The following FBXL20 variants were observed in gnomAD, a reference collection of about 807,000 sequenced individuals.
The protein encoded by FBXL20 is F-box/LRR-repeat protein 20.
A neutral mutation model predicts 64.0 loss-of-function variants in FBXL20; 11 were observed. The observed-to-expected ratio is 0.17, with a 90% CI of 0.11 to 0.28. FBXL20 has a LOEUF of 0.28. FBXL20 is among the 10% of genes least tolerant of loss of function. The pLI, the probability that FBXL20 is intolerant of heterozygous loss-of-function variation, is 1.00. For synonymous variants in FBXL20, 184 were observed against 189.0 expected, an observed-to-expected ratio of 0.97 and a Z score of 0.22; for missense variants, 303 against 526.2, an observed-to-expected ratio of 0.58 and a Z score of 4.15.
chr17:39,345,302 G>GT (rs2047621657), intron 1 of FBXL20, among the ~76,000 whole-genome samples: 1 of 152,160 alleles, frequency 6.6e-6, no homozygotes, highest in Admixed American at 6.6e-5. Flanking sequence ...GACAAGAGAT[G>GT]TAAGAGAGAA....
At chr17:39,321,072 TCTG>T (rs774532927) in intron 2 of FBXL20, among the ~76,000 whole-genome samples, 6 of 152,192 alleles carry the variant, frequency 3.9e-5, no homozygotes, top group African/African-American at 7.2e-5. Flanking sequence ...ATAAAACAAT[TCTG>T]CTCCAAAATA....
intron 2 of FBXL20, among the ~76,000 whole-genome samples, chr17:39,331,564 T>C (rs2047461722): frequency 6.6e-6 from 1 of 152,222 alleles, no homozygotes; most frequent in Non-Finnish European, 1.5e-5. Flanking sequence ...TAGCTCTATA[T>C]TGATTATTTC....
intron 14 of FBXL20, among the ~76,000 whole-genome samples, chr17:39,263,469 C>T (rs1597757342): frequency 6.6e-6 from 1 of 152,110 alleles, no homozygotes; most frequent in African/African-American, 2.4e-5. Flanking sequence ...GAGCCAACAT[C>T]GAGCCACTGC....
At chr17:39,394,852 C>A (rs923393553) in intron 1 of FBXL20, among the ~76,000 whole-genome samples, 1 of 152,244 alleles carries the variant, frequency 6.6e-6, no homozygotes, top group East Asian at 1.9e-4. Flanking sequence ...AGCCACTGTG[C>A]CTGGCCAGAT....
intron 1 of FBXL20, among the ~76,000 whole-genome samples, chr17:39,396,328 G>C (rs899418844): frequency 3.3e-5 from 5 of 152,118 alleles, no homozygotes; most frequent in African/African-American, 1.2e-4. Context: ...GGGTGTCGTG[G>C]CTCACATCTG....
chr17:39,363,017 T>C lies in FBXL20; in HGVS notation c.43-19776A>G, dbSNP rs536970392. ...TTTATTTATTTATTCATTTATTTAT[T>C]TGAGACAGTTTCACTCTTGTCGCCC... On this transcript the variant is annotated intron_variant, in intron 1 of 14. Coordinates refer to ENST00000264658, the MANE Select transcript of FBXL20 (RefSeq NM_032875.3). Among the ~76,000 whole-genome samples, 11 of 152,212 alleles carry C rather than the reference T, an allele frequency of 7.2e-5. No individual in the cohort carries two copies. In the South Asian group the frequency reaches 2.1e-3, roughly 29 times the overall value.
At chr17:39,296,298 T>C (rs935178222) in intron 6 of FBXL20, among the ~76,000 whole-genome samples, 1 of 152,188 alleles carries the variant, frequency 6.6e-6, no homozygotes, top group African/African-American at 2.4e-5. Flanking sequence ...CGGTGGCTCA[T>C]GCCTGTAATC....
At chr17:39,374,538 C>T (rs370888333) in intron 1 of FBXL20, among the ~76,000 whole-genome samples, 8 of 150,464 alleles carry the variant, frequency 5.3e-5, no homozygotes, top group African/African-American at 1.9e-4. Context: ...GAGACTCCAT[C>T]TCAAAAAAAA....
chr17:39,382,273 C>G (rs1055276534), intron 1 of FBXL20, among the ~76,000 whole-genome samples: 1 of 151,798 alleles, frequency 6.6e-6, no homozygotes, highest in African/African-American at 2.4e-5. Flanking sequence ...GAAACCCCAT[C>G]TCTACTAAAA....
At chr17:39,363,486 T>C (rs1420833377) in intron 1 of FBXL20, among the ~76,000 whole-genome samples, 2 of 151,898 alleles carry the variant, frequency 1.3e-5, no homozygotes, top group Non-Finnish European at 2.9e-5. Flanking sequence ...AATATCTGAG[T>C]GTTTATAAAT....
At chr17:39,397,242 GCAAA>G (rs1597842105) in intron 1 of FBXL20, among the ~76,000 whole-genome samples, 1 of 152,108 alleles carries the variant, frequency 6.6e-6, no homozygotes, top group East Asian at 1.9e-4. Flanking sequence ...AAGCAAGTAG[GCAAA>G]CAAATATTAC....
intron 2 of FBXL20, among the ~76,000 whole-genome samples, chr17:39,315,461 T>G (rs2047277962): frequency 6.7e-6 from 1 of 150,238 alleles, no homozygotes; most frequent in Non-Finnish European, 1.5e-5. Context: ...TTCCTCTTCC[T>G]TTCCTTTGTT....
intron 12 of FBXL20, among the ~76,000 whole-genome samples, chr17:39,267,430 T>C (rs1011358940): frequency 2.6e-5 from 4 of 152,316 alleles, no homozygotes; most frequent in Admixed American, 2.0e-4. Flanking sequence ...AATCAGACGA[T>C]AGTGCTTGCT....
At chr17:39,358,698 A>G (rs1410602396) in intron 1 of FBXL20, among the ~76,000 whole-genome samples, 2 of 152,034 alleles carry the variant, frequency 1.3e-5, no homozygotes, top group Non-Finnish European at 2.9e-5. Context: ...AAACAAAAAA[A>G]CAAAAAAACA....
rs1212915373 is a variant in FBXL20, at chr17:39,333,226, G to C, written c.104+9954C>G. Among the ~76,000 whole-genome samples, 70 of 152,218 alleles carry C rather than the reference G, an allele frequency of 4.6e-4. 1 individual carries two copies. The highest frequency in any genetic ancestry group is 4.4e-5 in the Non-Finnish European group (3 of 68,010). On this transcript the variant is annotated intron_variant, in intron 2 of 14. Transcript: ENST00000264658. ...GGCTGGACTGTACTGCCGCCATCTC[G>C]ACTCACTGCAACCTCCCTGCCTGAT...
At chr17:39,313,914 C>T (rs1247888056) in intron 2 of FBXL20, among the ~76,000 whole-genome samples, 1 of 152,234 alleles carries the variant, frequency 6.6e-6, no homozygotes, top group East Asian at 1.9e-4. Context: ...GGATTACAGG[C>T]ATGAACCACA....
At chr17:39,287,712 A>C (rs555546366) in intron 6 of FBXL20, among the ~76,000 whole-genome samples, 246 of 151,976 alleles carry the variant, frequency 1.6e-3, no homozygotes, top group Non-Finnish European at 3.3e-3. Flanking sequence ...GCTTGTTTTC[A>C]TTTCTTTTGG....
chr17:39,379,485 CA>C (rs375953565), intron 1 of FBXL20, among the ~76,000 whole-genome samples: 37 of 127,050 alleles, frequency 2.9e-4, no homozygotes, highest in East Asian at 1.4e-3. Flanking sequence ...CATCCCTTAC[CA>C]AAAAAAAAAA....
At chr17:39,272,408 T>G (rs2046852624) in intron 10 of FBXL20, among the ~76,000 whole-genome samples, 1 of 150,236 alleles carries the variant, frequency 6.7e-6, no homozygotes, top group Non-Finnish European at 1.5e-5. Flanking sequence ...AAAAATTTTT[T>G]TTTTAATTCC....
Sources: allele counts gnomAD v4.1 joint callset (sites outside exome capture counted in the v4.1 genomes callset), GRCh38; gene constraint gnomAD v4.1.1; transcripts MANE v1.5; gene names NCBI Gene and HGNC (gene_info 2026-07-23, HGNC 2026-07-21).